The following RAB31 variants were observed in gnomAD, a reference collection of about 807,000 sequenced individuals.
The protein encoded by RAB31 is ras-related protein Rab-31.
A neutral mutation model predicts 25.6 loss-of-function variants in RAB31; 21 were observed. The ratio of observed to expected loss-of-function variants is 0.82; its 90% CI spans 0.58 to 1.18. The LOEUF (loss-of-function observed/expected upper bound fraction) is 1.18, where lower values mean the gene tolerates loss of function less well. Ranked by LOEUF, RAB31 falls within the 50% of genes most tolerant of loss-of-function variation. RAB31 has a pLI of 0.00. For synonymous variants in RAB31, 87 were observed against 84.0 expected, an observed-to-expected ratio of 1.04 and a Z score of -0.20; for missense variants, 196 against 250.1, an observed-to-expected ratio of 0.78 and a Z score of 1.46.
chr18:9,829,229 A>G (rs2068665164), intron 5 of RAB31, among the ~76,000 whole-genome samples: 1 of 152,060 alleles, frequency 6.6e-6, no homozygotes, highest in Admixed American at 6.5e-5. Context: ...TTTGGTGATA[A>G]CCACTTGTTT....
chr18:9,718,762 G>C (rs900070689), intron 1 of RAB31, among the ~76,000 whole-genome samples: 8 of 152,000 alleles, frequency 5.3e-5, no homozygotes, highest in Non-Finnish European at 1.0e-4. Context: ...CTCTCTAAGG[G>C]GTTGCAGACT....
In RAB31 at chr18:9,845,678, C is replaced by T. The variant is rs746570591; in HGVS notation, c.477C>T (p.Leu159=). The change falls in exon 6 of 7, where the codon CTC becomes CTT. Residue 159 remains leucine (L), a synonymous_variant. Transcript: ENST00000578921. Reference sequence around the variant, plus strand: ...AAAATGCTATTAATATCGAAGAGCTCTTTCAAGGAATCAGTAAGTACCTGA... The same window carrying T: ...AAAATGCTATTAATATCGAAGAGCTTTTTCAAGGAATCAGTAAGTACCTGA... ...SAKNAINIEE[L]FQGISRQIPP... is the part of the protein sequence containing the mutation. The T allele has an allele frequency of 1.3e-6, 2 of 1,554,302 alleles. No individual in the cohort carries two copies. The highest frequency in any genetic ancestry group is 2.4e-5 in the South Asian group (2 of 82,962).
chr18:9,755,821 A>G (rs1716444699), intron 1 of RAB31, among the ~76,000 whole-genome samples: 2 of 152,208 alleles, frequency 1.3e-5, no homozygotes, highest in Admixed American at 1.3e-4. Flanking sequence ...AGGCCTGGAC[A>G]ATGGAAGAGG....
chr18:9,814,006 T>G lies in RAB31; in HGVS notation c.202-14T>G. Reference sequence around the variant, plus strand: ...GTTCACTTTGGCCTAAAACTGTTCATTGTTCTTAAACAGTTTCATTCATTG... The same window carrying G: ...GTTCACTTTGGCCTAAAACTGTTCAGTGTTCTTAAACAGTTTCATTCATTG... On this transcript the variant is annotated splice_polypyrimidine_tract_variant and intron_variant, in intron 3 of 6. Transcript: ENST00000578921. 6.4e-7 allele frequency: 1 copy of G among 1,553,364 alleles called. No individual in the cohort carries two copies. Among genetic ancestry groups the G allele is most frequent in the Non-Finnish European group, 8.8e-7 (1 of 1,136,340 alleles).
chr18:9,839,772 T>C (rs1022517421), intron 5 of RAB31, among the ~76,000 whole-genome samples: 1 of 152,188 alleles, frequency 6.6e-6, no homozygotes, highest in African/African-American at 2.4e-5. Flanking sequence ...CCACACAGCA[T>C]GAACGGCAGG....
intron 1 of RAB31, among the ~76,000 whole-genome samples, chr18:9,746,161 A>G (rs1340772485): frequency 6.6e-6 from 1 of 152,254 alleles, no homozygotes; most frequent in Non-Finnish European, 1.5e-5. Flanking sequence ...TTCCATTTAT[A>G]ATAGCATTTA....
Position 9,719,298 on chromosome 18 carries a change from A to AATAT in RAB31, c.39+10882_39+10885dup, listed in dbSNP as rs71168101. Among the ~76,000 whole-genome samples, 63 of 23,096 alleles carry AATAT rather than the reference A, an allele frequency of 2.7e-3. 1 individual carries two copies. Among genetic ancestry groups the AATAT allele is most frequent in the African/African-American group, 7.1e-3 (57 of 8,080 alleles). The allele number at this position is 23,096 out of a possible 152,430, so 15.2% of individuals were successfully genotyped here. A position where few individuals can be genotyped will look rare whatever the true frequency, so the allele number is the denominator to read the frequency against. On this transcript the variant is annotated intron_variant, in intron 1 of 6. Transcript: ENST00000578921. Reference sequence around the variant, plus strand: ...AAAAAAAAAAAAAAAAAAAAAAAAAAATATATATATATATATATATATATA... The same window carrying AATAT: ...AAAAAAAAAAAAAAAAAAAAAAAAAAATATATATATATATATATATATATATATA...
At position 9,831,408 on chromosome 18, in the gene RAB31, A is replaced by G. The variant is rs9966926; in HGVS notation, c.381-14174A>G. 3.1e-3 allele frequency among the ~76,000 whole-genome samples: 473 copies of G among 152,288 alleles called. 3 individuals carry two copies. Among genetic ancestry groups the G allele is most frequent in the African/African-American group, 0.011 (443 of 41,546 alleles). Reference sequence around the variant, plus strand: ...AAGCTGTTTCAGATTTATCTTGGATATTTTTGGCTCCGGCCCTATAGTCGG... The same window carrying G: ...AAGCTGTTTCAGATTTATCTTGGATGTTTTTGGCTCCGGCCCTATAGTCGG... On this transcript the variant is annotated intron_variant, in intron 5 of 6. Coordinates refer to ENST00000578921, the MANE Select transcript of RAB31 (RefSeq NM_006868.4).
chr18:9,723,945 C>G (rs1295938251), intron 1 of RAB31, among the ~76,000 whole-genome samples: 1 of 152,160 alleles, frequency 6.6e-6, no homozygotes, highest in Non-Finnish European at 1.5e-5. Context: ...TGGGGACAAA[C>G]AGACTACATC....
At position 9,783,380 on chromosome 18, in the gene RAB31, C is replaced by G. The variant is rs144728687; in HGVS notation, c.119+8023C>G. On this transcript the variant is annotated intron_variant, in intron 2 of 6. Transcript: ENST00000578921. ...TCTTCTGGGATTTTGGTTCCCCCCC[C>G]TTACCTGCACTGTGGAGGGGTTGGA... Among the ~76,000 whole-genome samples, 619 of 152,244 alleles carry G rather than the reference C, an allele frequency of 4.1e-3. 4 individuals are homozygous for G. Among genetic ancestry groups the G allele is most frequent in the African/African-American group, 0.014 (594 of 41,538 alleles).
At chr18:9,799,644 G>A (rs538753727) in intron 3 of RAB31, among the ~76,000 whole-genome samples, 27 of 152,124 alleles carry the variant, frequency 1.8e-4, no homozygotes, top group Admixed American at 2.0e-4. Flanking sequence ...CTACAGGTGC[G>A]CCACCGTGCC....
chr18:9,755,185 A>G (rs558370907), intron 1 of RAB31, among the ~76,000 whole-genome samples: 1 of 152,372 alleles, frequency 6.6e-6, no homozygotes, highest in East Asian at 1.9e-4. Context: ...CATCACCATC[A>G]TTACTAATAA....
intron 2 of RAB31, among the ~76,000 whole-genome samples, chr18:9,781,937 G>T (rs1182384325): frequency 1.3e-5 from 2 of 152,192 alleles, no homozygotes; most frequent in Non-Finnish European, 2.9e-5. Flanking sequence ...GTTTTGTTCA[G>T]CCTTCACAGT....
chr18:9,774,943 A>T (rs2068364302), intron 1 of RAB31: 1 of 526,646 alleles, frequency 1.9e-6, no homozygotes. Flanking sequence ...TGGTATGTTC[A>T]CGTACTTCTT....
Position 9,845,576 on chromosome 18 carries a change from T to C in RAB31, c.381-6T>C, listed in dbSNP as rs1290664250. The C allele has an allele frequency of 1.3e-6, 2 of 1,532,598 alleles. No homozygotes were observed. The highest frequency in any genetic ancestry group is 1.8e-6 in the Non-Finnish European group (2 of 1,142,394). The allele number at this position is 1,532,598 out of a possible 1,614,324, so 94.9% of individuals were successfully genotyped here. ...ATTTCCTGTCTACATTTGACCTCTT[T>C]TCCAGGGAGGTTCCCCTGAAGGATG... On this transcript the variant is annotated splice_region_variant and splice_polypyrimidine_tract_variant and intron_variant, in intron 5 of 6. Transcript: ENST00000578921.
At chr18:9,857,671 A>AGAT (rs1491047046) in intron 6 of RAB31, among the ~76,000 whole-genome samples, 1 of 125,992 alleles carries the variant, frequency 7.9e-6, no homozygotes, top group African/African-American at 2.8e-5. Flanking sequence ...ATAGATAGAT[A>AGAT]GATAGATAGA....
At chr18:9,714,461 C>T (rs1412463961) in intron 1 of RAB31, among the ~76,000 whole-genome samples, 2 of 152,206 alleles carry the variant, frequency 1.3e-5, no homozygotes, top group Non-Finnish European at 2.9e-5. Flanking sequence ...TGTTCACCTC[C>T]TGCTGTGCAA....
At chr18:9,790,050 T>C (rs75861960) in intron 2 of RAB31, among the ~76,000 whole-genome samples, 672 of 152,258 alleles carry the variant, frequency 4.4e-3, no homozygotes, top group Non-Finnish European at 7.6e-3. Flanking sequence ...GGCTGGACTA[T>C]ATGAAAGTAA....
At chr18:9,713,185 T>C (rs1277832169) in intron 1 of RAB31, among the ~76,000 whole-genome samples, 13 of 152,198 alleles carry the variant, frequency 8.5e-5, no homozygotes, top group African/African-American at 3.1e-4. Flanking sequence ...GTTAGTGTTA[T>C]TGTGGAAGGA....
Sources: allele counts gnomAD v4.1 joint callset (sites outside exome capture counted in the v4.1 genomes callset), GRCh38; gene constraint gnomAD v4.1.1; transcripts MANE v1.5; gene names NCBI Gene and HGNC (gene_info 2026-07-23, HGNC 2026-07-21).